CDH12: variants seen among roughly 807,000 people sequenced by gnomAD.
CDH12 encodes cadherin 12.
Under a neutral mutation model 74.1 loss-of-function variants are expected in CDH12, and 41 were observed. That is an observed-to-expected ratio of 0.55 (90% CI 0.43 to 0.72). CDH12 has a LOEUF of 0.72. Ranked by LOEUF, CDH12 falls within the 30% of genes least tolerant of loss-of-function variation. The probability of loss-of-function intolerance (pLI) is 0.00; values close to 1 mark genes in which losing one functional copy is unlikely to be tolerated. For synonymous variants in CDH12, 399 were observed against 355.0 expected, an observed-to-expected ratio of 1.12 and a Z score of -1.39; for missense variants, 945 against 977.2, an observed-to-expected ratio of 0.97 and a Z score of 0.44.
intron 4 of CDH12, among the ~76,000 whole-genome samples, chr5:22,112,600 T>C (rs990654664): frequency 1.6e-4 from 25 of 152,140 alleles, no homozygotes; most frequent in Admixed American, 3.9e-4. Context: ...TCGTTTTTTT[T>C]CCCCTCAACT....
chr5:22,458,543 C>T (rs976846314), intron 2 of CDH12, among the ~76,000 whole-genome samples: 1 of 152,108 alleles, frequency 6.6e-6, no homozygotes, highest in Non-Finnish European at 1.5e-5. Flanking sequence ...TTTGAATGTA[C>T]CATACATTTT....
intron 2 of CDH12, among the ~76,000 whole-genome samples, chr5:22,484,666 C>A (rs2662488): frequency 0.94 from 143,181 of 152,298 alleles, 67,402 homozygotes; most frequent in Admixed American, 0.97. Flanking sequence ...ATGCCAGCAC[C>A]GACAAAGTAT....
intron 1 of CDH12, among the ~76,000 whole-genome samples, chr5:22,571,680 T>A (rs1281882269): frequency 6.6e-6 from 1 of 152,202 alleles, no homozygotes; most frequent in Non-Finnish European, 1.5e-5. Flanking sequence ...TACTTTGACT[T>A]GAACACTTAG....
intron 13 of CDH12, among the ~76,000 whole-genome samples, chr5:21,758,433 A>T (rs1160930974): frequency 5.3e-5 from 8 of 152,132 alleles, no homozygotes; most frequent in African/African-American, 1.9e-4. Context: ...ATATCCTCTG[A>T]TTCTATCATC....
intron 10 of CDH12, among the ~76,000 whole-genome samples, chr5:21,788,700 C>T (rs1343213795): frequency 2.6e-5 from 4 of 152,102 alleles, no homozygotes; most frequent in African/African-American, 9.7e-5. Flanking sequence ...TATTTTCCCA[C>T]GTTTGCTTTA....
At chr5:22,696,636 A>C (rs1366226561) in intron 1 of CDH12, among the ~76,000 whole-genome samples, 9 of 152,176 alleles carry the variant, frequency 5.9e-5, no homozygotes. Context: ...ACATAACCAT[A>C]GGTAGCTTAA....
chr5:21,778,466 C>CAAAAAAAAAAAA (rs70957061), intron 11 of CDH12, among the ~76,000 whole-genome samples: 48 of 52,618 alleles, frequency 9.1e-4, no homozygotes, highest in Non-Finnish European at 1.3e-3. Context: ...GCATATAAGC[C>CAAAAAAAAAAAA]AAAAAAAAAA....
In CDH12 at chr5:22,409,419, C is replaced by A. The variant is rs1196400875; in HGVS notation, c.-427-4068G>T. Among the ~76,000 whole-genome samples the A allele has an allele frequency of 2.6e-5, 4 of 151,880 alleles. No homozygotes were observed. In the East Asian group the frequency reaches 7.7e-4, roughly 29 times the overall value. On this transcript the variant is annotated intron_variant, in intron 2 of 14. Transcript: ENST00000382254. Reference sequence around the variant, plus strand: ...AAAGATACCCCATATTTCAATTATTCTTATTTCTTATTTCTCCAATTCAAA... The same window carrying A: ...AAAGATACCCCATATTTCAATTATTATTATTTCTTATTTCTCCAATTCAAA...
At chr5:22,549,154 G>A (rs1324214988) in intron 1 of CDH12, among the ~76,000 whole-genome samples, 1 of 147,968 alleles carries the variant, frequency 6.8e-6, no homozygotes. Flanking sequence ...TTGTTTTTTT[G>A]TAGAGATGAG....
At chr5:22,177,576 A>G (rs978494310) in intron 4 of CDH12, among the ~76,000 whole-genome samples, 6 of 152,182 alleles carry the variant, frequency 3.9e-5, no homozygotes, top group Non-Finnish European at 7.3e-5. Context: ...TTGGATCTCT[A>G]TATAGCTTTG....
intron 1 of CDH12, among the ~76,000 whole-genome samples, chr5:22,773,234 T>C (rs1416075810): frequency 1.3e-5 from 2 of 151,866 alleles, no homozygotes; most frequent in African/African-American, 2.4e-5. Context: ...AGATATATGA[T>C]ATTATCTGAC....
intron 3 of CDH12, among the ~76,000 whole-genome samples, chr5:22,242,288 TAATTATACCTGGATTCTCA>T (rs367860159): frequency 1.1e-4 from 17 of 152,346 alleles, no homozygotes; most frequent in African/African-American, 3.8e-4. Context: ...CCATTTTGCC[TAATTATACCTGGATTCTCA>T]GATACAGATA....
intron 13 of CDH12, among the ~76,000 whole-genome samples, chr5:21,756,445 A>G (rs185397309): frequency 6.6e-6 from 1 of 152,296 alleles, no homozygotes; most frequent in African/African-American, 2.4e-5. Flanking sequence ...AACTATAACA[A>G]TGACTACTTT....
At chr5:22,650,967 C>T (rs1739703433) in intron 1 of CDH12, among the ~76,000 whole-genome samples, 1 of 152,022 alleles carries the variant, frequency 6.6e-6, no homozygotes, top group African/African-American at 2.4e-5. Flanking sequence ...TTTATTGTTA[C>T]TATTCCTATT....
At chr5:22,225,908 T>C (rs200308087) in intron 3 of CDH12, among the ~76,000 whole-genome samples, 1 of 151,274 alleles carries the variant, frequency 6.6e-6, no homozygotes, top group East Asian at 2.0e-4. Context: ...CCTCTAACAA[T>C]AACAACAACA....
chr5:22,138,675 T>C (rs1466202885), intron 4 of CDH12, among the ~76,000 whole-genome samples: 1 of 150,250 alleles, frequency 6.7e-6, no homozygotes, highest in African/African-American at 2.4e-5. Flanking sequence ...TTGAGTCATA[T>C]CTGCAGGATC....
intron 1 of CDH12, among the ~76,000 whole-genome samples, chr5:22,538,802 T>G (rs567994687): frequency 6.6e-6 from 1 of 152,238 alleles, no homozygotes; most frequent in Non-Finnish European, 1.5e-5. Context: ...AGAGTGGCCT[T>G]GGTCAAGGTA....
Position 22,078,548 on chromosome 5 carries a change from T to G in CDH12, c.129A>C (p.Pro43=). ...CACGTTGGAAATGTGACCGTTGTCCTGGCAGATGGATAACATTTTCTCTTG... is the reference window on the plus strand; with the variant it reads ...CACGTTGGAAATGTGACCGTTGTCCGGGCAGATGGATAACATTTTCTCTTG... ...TEPRENVIHL[P]GQRSHFQRVK... Residue 43 remains proline, a synonymous_variant, in exon 5 of 15, where the codon CCA becomes CCC. Coordinates refer to ENST00000382254, the MANE Select transcript of CDH12 (RefSeq NM_004061.5). 5 of 1,614,008 alleles carry G rather than the reference T, an allele frequency of 3.1e-6. No homozygotes were observed. The highest frequency in any genetic ancestry group is 4.2e-6 in the Non-Finnish European group (5 of 1,179,872).
intron 3 of CDH12, among the ~76,000 whole-genome samples, chr5:22,298,587 C>CT (rs1179614061): frequency 6.6e-6 from 1 of 152,044 alleles, no homozygotes; most frequent in Non-Finnish European, 1.5e-5. Flanking sequence ...GTACATACAG[C>CT]TTTTTTACAT....
Sources: gnomAD v4.1 joint callset for allele counts (sites outside exome capture counted in the v4.1 genomes callset) on GRCh38, gnomAD v4.1.1 for gene constraint, MANE v1.5 for transcripts, NCBI Gene and HGNC (gene_info 2026-07-23, HGNC 2026-07-21) for gene names.